Variants in MTUS1 observed in about 807,000 individuals in gnomAD.
MTUS1 encodes microtubule-associated tumor suppressor 1.
Under a neutral mutation model 120.8 loss-of-function variants are expected in MTUS1, and 109 were observed. The observed-to-expected ratio is 0.90, with a 90% confidence interval of 0.77 to 1.06. The LOEUF (loss-of-function observed/expected upper bound fraction) is 1.06. MTUS1 is among the 50% of genes least tolerant of loss of function. The pLI, the probability that MTUS1 is intolerant of heterozygous loss-of-function variation, is 0.00. For synonymous variants in MTUS1, 737 were observed against 550.5 expected, an observed-to-expected ratio of 1.34 and a Z score of -4.74; for missense variants, 2,210 against 1,486.3, an observed-to-expected ratio of 1.49 and a Z score of -8.01.
intron 6 of MTUS1, among the ~76,000 whole-genome samples, chr8:17,695,243 A>G (rs1432129909): frequency 2.0e-5 from 3 of 152,238 alleles, no homozygotes; most frequent in African/African-American, 7.2e-5. Flanking sequence ...TCCAACACAC[A>G]AAACGCTTCC....
intron 6 of MTUS1, among the ~76,000 whole-genome samples, chr8:17,692,577 C>T (rs1367519648): frequency 1.3e-5 from 2 of 152,162 alleles, no homozygotes; most frequent in African/African-American, 2.4e-5. Flanking sequence ...TAAACAAACG[C>T]ATTCACATTC....
intron 1 of MTUS1, among the ~76,000 whole-genome samples, chr8:17,799,422 C>G (rs915839502): frequency 6.6e-6 from 1 of 151,990 alleles, no homozygotes; most frequent in Non-Finnish European, 1.5e-5. Context: ...AAAAATTTTT[C>G]TATATATTAA....
intron 6 of MTUS1, among the ~76,000 whole-genome samples, chr8:17,712,358 A>T (rs1279563326): frequency 2.6e-5 from 4 of 151,328 alleles, no homozygotes. Context: ...TTTTTTTGAG[A>T]CAGGGTCTCA....
At chr8:17,796,252 G>C (rs1310899188) in intron 1 of MTUS1, among the ~76,000 whole-genome samples, 2 of 152,304 alleles carry the variant, frequency 1.3e-5, no homozygotes, top group Non-Finnish European at 2.9e-5. Flanking sequence ...CCAGCCCCAA[G>C]AACATTCTTA....
At chr8:17,710,602 G>A (rs756135740) in intron 6 of MTUS1, among the ~76,000 whole-genome samples, 1 of 152,162 alleles carries the variant, frequency 6.6e-6, no homozygotes, top group Non-Finnish European at 1.5e-5. Flanking sequence ...TGACGGTTAG[G>A]TCAGCTTCTT....
rs568420114 is a variant in MTUS1, at chr8:17,737,229, C to T, written c.2287+6375G>A. Among the ~76,000 whole-genome samples the T allele has an allele frequency of 5.3e-5, 8 of 152,288 alleles. No individual in the cohort carries two copies. In the South Asian group the frequency reaches 1.7e-3, roughly 32 times the overall value. On this transcript the variant is annotated intron_variant, in intron 3 of 14. Coordinates refer to ENST00000693296, the MANE Select transcript of MTUS1 (RefSeq NM_001363059.2). ...TTACCCCACTGTGTAACTTTGGACA[C>T]GTTACTGAAGCTTTCAGACCCTCAA...
intron 7 of MTUS1, 58 bp from the exon 8 acceptor site, chr8:17,675,310 T>C: frequency 5.3e-6 from 8 of 1,498,534 alleles, no homozygotes; most frequent in Non-Finnish European, 2.8e-6. Context: ...TTCAGTAAGG[T>C]ACACATTTGT....
At chr8:17,690,340 T>C (rs1816706450) in intron 6 of MTUS1, among the ~76,000 whole-genome samples, 1 of 152,158 alleles carries the variant, frequency 6.6e-6, no homozygotes, top group Non-Finnish European at 1.5e-5. Context: ...TGAGATACCA[T>C]TTCCTATCAG....
intron 6 of MTUS1, among the ~76,000 whole-genome samples, chr8:17,686,495 T>A (rs1815830422): frequency 6.6e-6 from 1 of 152,210 alleles, no homozygotes; most frequent in Non-Finnish European, 1.5e-5. Context: ...CAGTTCATTC[T>A]CCTGATATCA....
intron 2 of MTUS1, among the ~76,000 whole-genome samples, chr8:17,746,858 G>T (rs1214600999): frequency 6.6e-6 from 1 of 152,120 alleles, no homozygotes; most frequent in African/African-American, 2.4e-5. Context: ...AGAACATGAA[G>T]CATTTTCTAA....
rs184944081 is a variant in MTUS1, at chr8:17,754,608, C to T, written c.1200G>A (p.Pro400=). 2.6e-5 allele frequency: 42 copies of T among 1,614,032 alleles called. No homozygotes were observed. Among genetic ancestry groups the T allele is most frequent in the East Asian group, 2.2e-4 (10 of 44,888 alleles). ...ATGACGAGCCCACCTTTTGTCCTGG[C>T]GGGCTACTTAGAATCAATTCTGAGG... The part of the protein sequence containing the change: ...NHTSELILSS[P]PGQKVGSSFG... The change falls in exon 2 of 15, where the codon CCG becomes CCA. Residue 400 remains proline, a synonymous_variant. Transcript: ENST00000693296.
At chr8:17,785,665 C>G (rs578043074) in intron 1 of MTUS1, among the ~76,000 whole-genome samples, 1 of 152,178 alleles carries the variant, frequency 6.6e-6, no homozygotes, top group African/African-American at 2.4e-5. Flanking sequence ...TTTATTCCAT[C>G]TCACCGTGTT....
chr8:17,708,282 T>C (rs915010161), intron 6 of MTUS1, among the ~76,000 whole-genome samples: 6 of 152,338 alleles, frequency 3.9e-5, no homozygotes, highest in South Asian at 2.1e-4. Context: ...AGTTTAAAAC[T>C]GGCAAATGAT....
chr8:17,706,740 T>C (rs1820246966), intron 6 of MTUS1, among the ~76,000 whole-genome samples: 1 of 152,226 alleles, frequency 6.6e-6, no homozygotes, highest in South Asian at 2.1e-4. Context: ...ATGTTCATCA[T>C]AGAATCATTT....
chr8:17,704,722 G>C (rs1465605565), intron 6 of MTUS1, among the ~76,000 whole-genome samples: 1 of 152,072 alleles, frequency 6.6e-6, no homozygotes, highest in African/African-American at 2.4e-5. Flanking sequence ...TTTGTTCTTT[G>C]TCAAGATTGT....
chr8:17,726,176 T>C (rs1250416549), intron 3 of MTUS1, among the ~76,000 whole-genome samples: 3 of 152,136 alleles, frequency 2.0e-5, no homozygotes, highest in Non-Finnish European at 4.4e-5. Context: ...TGCTACTCAT[T>C]TGCAGCTCCA....
intron 8 of MTUS1, among the ~76,000 whole-genome samples, chr8:17,657,621 C>T (rs1215692137): frequency 6.8e-6 from 1 of 147,980 alleles, no homozygotes; most frequent in East Asian, 2.0e-4. Context: ...GAGTTCATGA[C>T]CAGCCTGGAC....
At chr8:17,731,043 A>G (rs148734839) in intron 3 of MTUS1, among the ~76,000 whole-genome samples, 44 of 152,350 alleles carry the variant, frequency 2.9e-4, no homozygotes, top group South Asian at 6.2e-4. Context: ...GTAAGATATT[A>G]TAAAATAATA....
intron 6 of MTUS1, among the ~76,000 whole-genome samples, chr8:17,694,151 T>C (rs1167106865): frequency 6.6e-6 from 1 of 152,174 alleles, no homozygotes; most frequent in Non-Finnish European, 1.5e-5. Context: ...GGTCTCAAAC[T>C]CCTAGCCTTA....
Sources: allele counts gnomAD v4.1 joint callset (sites outside exome capture counted in the v4.1 genomes callset), GRCh38; gene constraint gnomAD v4.1.1; transcripts MANE v1.5; gene names NCBI Gene and HGNC (gene_info 2026-07-23, HGNC 2026-07-21).